CPA6: variants seen among roughly 807,000 people sequenced by gnomAD.
CPA6 encodes carboxypeptidase B.
In CPA6, 58 loss-of-function variants were observed where a neutral mutation model predicts 63.3. The observed-to-expected ratio is 0.92, with a 90% CI of 0.74 to 1.14. The LOEUF is 1.14. Ranked by LOEUF, CPA6 falls within the 50% of genes most tolerant of loss-of-function variation. The pLI is 0.00. For missense variants in CPA6, 565 were observed against 526.6 expected, an observed-to-expected ratio of 1.07 and a Z score of -0.71; for synonymous variants, 185 against 179.0, an observed-to-expected ratio of 1.03 and a Z score of -0.27.
intron 6 of CPA6, among the ~76,000 whole-genome samples, chr8:67,489,290 A>G (rs956805704): frequency 6.6e-6 from 1 of 152,068 alleles, no homozygotes; most frequent in Non-Finnish European, 1.5e-5. Context: ...GTGAGTGGAA[A>G]GATTGGCTCA....
At chr8:67,678,073 C>T (rs1009332126) in intron 1 of CPA6, among the ~76,000 whole-genome samples, 1 of 151,988 alleles carries the variant, frequency 6.6e-6, no homozygotes, top group African/African-American at 2.4e-5. Flanking sequence ...ACTAAAAATA[C>T]AAAAATTAGC....
chr8:67,691,004 G>C (rs1816802502), intron 1 of CPA6, among the ~76,000 whole-genome samples: 1 of 152,080 alleles, frequency 6.6e-6, no homozygotes, highest in African/African-American at 2.4e-5. Context: ...CTAAATAAAA[G>C]GCATTCCCTG....
chr8:67,645,960 C>T (rs1402852986), intron 1 of CPA6, among the ~76,000 whole-genome samples: 4 of 152,138 alleles, frequency 2.6e-5, no homozygotes, highest in African/African-American at 7.2e-5. Context: ...CATTTCTACC[C>T]TGCCTTAACT....
At chr8:67,576,294 A>C (rs1813624073) in intron 2 of CPA6, among the ~76,000 whole-genome samples, 1 of 152,234 alleles carries the variant, frequency 6.6e-6, no homozygotes, top group African/African-American at 2.4e-5. Context: ...ATACTGCATA[A>C]ATATATACAA....
intron 1 of CPA6, among the ~76,000 whole-genome samples, chr8:67,651,557 G>A (rs1334329020): frequency 6.6e-6 from 1 of 151,954 alleles, no homozygotes; most frequent in Non-Finnish European, 1.5e-5. Context: ...GATTCCCAAA[G>A]TATTAGCCTC....
intron 3 of CPA6, among the ~76,000 whole-genome samples, chr8:67,516,560 G>C (rs1375528045): frequency 6.6e-6 from 1 of 152,198 alleles, no homozygotes; most frequent in Non-Finnish European, 1.5e-5. Flanking sequence ...CTAAGAACAG[G>C]AATGGACTCT....
intron 2 of CPA6, among the ~76,000 whole-genome samples, chr8:67,590,808 G>A (rs1301048293): frequency 6.6e-6 from 1 of 150,456 alleles, no homozygotes; most frequent in Non-Finnish European, 1.5e-5. Flanking sequence ...TGAGTAGGTT[G>A]CGAAAATTTT....
intron 2 of CPA6, among the ~76,000 whole-genome samples, chr8:67,594,964 T>C (rs1260621215): frequency 7.2e-5 from 11 of 152,332 alleles, no homozygotes; most frequent in African/African-American, 2.6e-4. Context: ...CTCTGCTTTT[T>C]AGAGTTTCCA....
chr8:67,443,183 C>T (rs1191221431), intron 8 of CPA6, among the ~76,000 whole-genome samples: 1 of 152,026 alleles, frequency 6.6e-6, no homozygotes, highest in Non-Finnish European at 1.5e-5. Context: ...CTGCCTCAGC[C>T]TCCCAAGTAG....
At chr8:67,456,911 C>T (rs1327220329) in intron 8 of CPA6, among the ~76,000 whole-genome samples, 1 of 152,170 alleles carries the variant, frequency 6.6e-6, no homozygotes, top group Non-Finnish European at 1.5e-5. Flanking sequence ...AGATGGTACG[C>T]CATAGGCTTT....
intron 2 of CPA6, among the ~76,000 whole-genome samples, chr8:67,552,518 A>G (rs1228994004): frequency 6.6e-6 from 1 of 152,174 alleles, no homozygotes; most frequent in Admixed American, 6.5e-5. Flanking sequence ...TCATGCCTGT[A>G]ATCCCAGCAC....
At chr8:67,499,592 T>A (rs1030925508) in intron 6 of CPA6, among the ~76,000 whole-genome samples, 15 of 152,168 alleles carry the variant, frequency 9.9e-5, no homozygotes, top group African/African-American at 3.4e-4. Context: ...ACAGAACATT[T>A]CCATCCTCAC....
At chr8:67,633,026 A>G (rs1815379936) in intron 1 of CPA6, among the ~76,000 whole-genome samples, 1 of 152,178 alleles carries the variant, frequency 6.6e-6, no homozygotes. Flanking sequence ...TACCTACTAT[A>G]ATTTTGGATT....
chr8:67,518,388 A>G (rs1296090664), intron 2 of CPA6, among the ~76,000 whole-genome samples: 1 of 152,174 alleles, frequency 6.6e-6, no homozygotes, highest in Non-Finnish European at 1.5e-5. Flanking sequence ...TGTAAGAAAA[A>G]AAGATATAAA....
chr8:67,489,913 T>C (rs947815083), intron 6 of CPA6, among the ~76,000 whole-genome samples: 2 of 152,222 alleles, frequency 1.3e-5, no homozygotes, highest in African/African-American at 4.8e-5. Flanking sequence ...GAAGCTGTTC[T>C]CTAGTATTCT....
chr8:67,436,598 G>A (rs1192334333), intron 8 of CPA6, among the ~76,000 whole-genome samples: 1 of 152,046 alleles, frequency 6.6e-6, no homozygotes, highest in Non-Finnish European at 1.5e-5. Context: ...AAACCAGGAG[G>A]CTTTTCTAGT....
intron 10 of CPA6, among the ~76,000 whole-genome samples, chr8:67,426,462 G>T (rs1421165978): frequency 1.3e-5 from 2 of 151,318 alleles, no homozygotes; most frequent in Non-Finnish European, 2.9e-5. Flanking sequence ...TCCCTTTCAA[G>T]GTGGCCACTG....
At chr8:67,527,585 T>G (rs1297726692) in intron 2 of CPA6, among the ~76,000 whole-genome samples, 1 of 152,260 alleles carries the variant, frequency 6.6e-6, no homozygotes, top group African/African-American at 2.4e-5. Context: ...CTAGACTTAA[T>G]GTGCTTTTTT....
At chr8:67,527,669 T>G (rs1812393183) in intron 2 of CPA6, among the ~76,000 whole-genome samples, 1 of 152,162 alleles carries the variant, frequency 6.6e-6, no homozygotes, top group African/African-American at 2.4e-5. Flanking sequence ...ACTTTGAAGA[T>G]CAGAAAAAAG....
Sources: allele counts gnomAD v4.1 joint callset (sites outside exome capture counted in the v4.1 genomes callset), GRCh38; gene constraint gnomAD v4.1.1; transcripts MANE v1.5; gene names NCBI Gene and HGNC (gene_info 2026-07-23, HGNC 2026-07-21).